The following ZNF3 variants were observed in gnomAD, a reference collection of about 807,000 sequenced individuals.
ZNF3 encodes the protein zinc finger protein 3.
A neutral mutation model predicts 36.9 loss-of-function variants in ZNF3; 16 were observed. The observed-to-expected ratio is 0.43, with a 90% confidence interval of 0.29 to 0.66. The LOEUF is 0.66. Ranked by LOEUF, ZNF3 falls within the 30% of genes least tolerant of loss-of-function variation. The pLI, the probability that ZNF3 is intolerant of heterozygous loss-of-function variation, is 0.13. For missense variants in ZNF3, 462 were observed against 543.1 expected (o/e 0.85, Z 1.48); for synonymous variants, 201 against 201.9 (o/e 1.00, Z 0.04).
In ZNF3 at chr7:100,070,908, T is replaced by A; in HGVS notation, c.*235A>T. On this transcript the variant is annotated 3_prime_UTR_variant, in exon 6 of 6. Coordinates refer to ENST00000299667, the MANE Select transcript of ZNF3 (RefSeq NM_032924.5). ...GTTTAGTGCAAACTCCTTTCCTAAA[T>A]GGGGTAACTGGTCCCAGAGCTGCTT... 1 of 1,314,934 alleles carries A rather than the reference T, an allele frequency of 7.6e-7. No individual in the cohort carries two copies. Among genetic ancestry groups the A allele is most frequent in the Non-Finnish European group, 9.7e-7 (1 of 1,035,352 alleles). 81.5% of individuals were successfully genotyped at this position (1,314,934 alleles called of 1,614,324 possible).
exon 6 of ZNF3, chr7:100,064,838 C>G (rs1022644057): frequency 1.2e-6 from 2 of 1,614,148 alleles, no homozygotes; most frequent in Non-Finnish European, 8.5e-7. Context: ...GAGCAGAGTC[C>G]CTTCGCCACA....
downstream of ZNF3, among the ~76,000 whole-genome samples, chr7:100,068,300 C>A (rs1430121855): frequency 6.6e-6 from 1 of 151,824 alleles, no homozygotes; most frequent in African/African-American, 2.4e-5. Flanking sequence ...CCAGGCTAGT[C>A]TCAAACTCTC....
chr7:100,070,163 TTTG>T lies in ZNF3; in HGVS notation c.*977_*979del, dbSNP rs1471561603. ...TCTCTGGGCTTCGTTTTTTTGTTTT[TTTG>T]TTTTTTTTTTCTCCCTTTTGGGCTT... On this transcript the variant is annotated 3_prime_UTR_variant, in exon 6 of 6. Transcript: ENST00000299667. 2.6e-5 allele frequency: 25 copies of T among 967,410 alleles called. No individual in the cohort carries two copies. The highest frequency in any genetic ancestry group is 2.9e-5 in the Non-Finnish European group (24 of 823,368). The allele number at this position is 967,410 out of a possible 1,614,324, so 59.9% of individuals were successfully genotyped here.
At chr7:100,067,800 C>A (rs1461520613), downstream of ZNF3, among the ~76,000 whole-genome samples, 1 of 152,210 alleles carries the variant, frequency 6.6e-6, no homozygotes, top group African/African-American at 2.4e-5. Context: ...CAAATCCCAT[C>A]TCCTCTACAA....
intron 3 of ZNF3, among the ~76,000 whole-genome samples, chr7:100,076,745 T>A (rs766241670): frequency 6.6e-6 from 1 of 152,254 alleles, no homozygotes; most frequent in Middle Eastern, 3.4e-3. Context: ...AATGGAATGA[T>A]TGACACGGTT....
chr7:100,076,621 ACT>A (rs1419866540), intron 3 of ZNF3, among the ~76,000 whole-genome samples: 2 of 151,386 alleles, frequency 1.3e-5, no homozygotes, highest in Admixed American at 6.6e-5. Flanking sequence ...CTTCCTATTC[ACT>A]CTGTCTTTTT....
Position 100,070,668 on chromosome 7 carries a change from A to G in ZNF3, c.*475T>C. On this transcript the variant is annotated 3_prime_UTR_variant, in exon 6 of 6. Transcript: ENST00000299667. Reference sequence around the variant, plus strand: ...AATTAACGAAATCATGAAACAAAACAGCATGTTTCTTACCGAAACTTAAAG... The same window carrying G: ...AATTAACGAAATCATGAAACAAAACGGCATGTTTCTTACCGAAACTTAAAG... The G allele has an allele frequency of 1.0e-6, 1 of 991,482 alleles. No homozygotes were observed. The highest frequency in any genetic ancestry group is 1.2e-6 in the Non-Finnish European group (1 of 833,308). The allele number at this position is 991,482 out of a possible 1,614,324, so 61.4% of individuals were successfully genotyped here. A position where few individuals can be genotyped will look rare whatever the true frequency, so the allele number is the denominator to read the frequency against.
upstream of ZNF3, chr7:100,082,444 G>A (rs1316156615): frequency 1.3e-5 from 2 of 152,344 alleles, no homozygotes; most frequent in African/African-American, 4.8e-5. Context: ...AAATTACCCG[G>A]GCGTGGTGGC....
chr7:100,078,493 C>T (rs1794475649), intron 2 of ZNF3, among the ~76,000 whole-genome samples: 1 of 142,218 alleles, frequency 7.0e-6, no homozygotes. Flanking sequence ...GAGACTCTGC[C>T]TCAAAAAAAA....
chr7:100,072,635 G>GA (rs746785787), intron 5 of ZNF3, among the ~76,000 whole-genome samples: 11 of 152,174 alleles, frequency 7.2e-5, no homozygotes, highest in Non-Finnish European at 1.5e-4. Context: ...GGGGAAGGGT[G>GA]AGGAGAGACA....
downstream of ZNF3, among the ~76,000 whole-genome samples, chr7:100,069,157 A>G (rs925875194): frequency 1.3e-5 from 2 of 151,502 alleles, no homozygotes; most frequent in African/African-American, 4.9e-5. Flanking sequence ...TTTGTTGTAG[A>G]GATAGGGTCT....
chr7:100,066,573 A>AC (rs1366245859), downstream of ZNF3, among the ~76,000 whole-genome samples: 2 of 137,592 alleles, frequency 1.5e-5, no homozygotes, highest in African/African-American at 5.2e-5. Flanking sequence ...TACTAAAAAT[A>AC]CAAAAAAAAA....
rs1793232318 is a variant in ZNF3 at position 100,071,954 on chromosome 7, A to T, written c.530T>A (p.Phe177Tyr). Reference protein sequence around the residue: ...RGERSEKYNDFGNSFTVNSNL... With the variant: ...RGERSEKYNDYGNSFTVNSNL... ...GGAATTCACAGTGAAGCTGTTCCCAAAATCATTATATTTCTCGCTTCTCTC... is the reference window on the plus strand; with the variant it reads ...GGAATTCACAGTGAAGCTGTTCCCATAATCATTATATTTCTCGCTTCTCTC... Residue 177 changes from phenylalanine (F) to tyrosine (Y), a missense_variant, in exon 6 of 6, where the codon TTT becomes TAT. Phe to Tyr is a conservative substitution (Grantham distance 22). Transcript: ENST00000299667. 1.2e-6 allele frequency: 2 copies of T among 1,614,136 alleles called. No individual in the cohort carries two copies. Among genetic ancestry groups the T allele is most frequent in the African/African-American group, 2.7e-5 (2 of 75,044 alleles).
chr7:100,077,462 G>A, intron 2 of ZNF3, 29 bp from the exon 3 acceptor site: 1 of 1,581,490 alleles, frequency 6.3e-7, no homozygotes, highest in South Asian at 1.1e-5. Flanking sequence ...AAGGTTCAAA[G>A]ATAATTCAAA....
At chr7:100,063,909 G>A (rs1279160766), downstream of ZNF3, 5 of 1,614,040 alleles carry the variant, frequency 3.1e-6, no homozygotes, top group African/African-American at 2.7e-5. Flanking sequence ...CCAGCTTAGA[G>A]AGGCAGTGCG....
At position 100,075,090 on chromosome 7, in the gene ZNF3, C is replaced by G. The variant is rs1019403255; in HGVS notation, c.271+45G>C. 5.8e-6 allele frequency: 9 copies of G among 1,548,688 alleles called. No individual in the cohort carries two copies. In the African/African-American group the frequency reaches 1.1e-4, roughly 19 times the overall value. On this transcript the variant is annotated intron_variant, in intron 5 of 5. Coordinates refer to ENST00000299667, the MANE Select transcript of ZNF3 (RefSeq NM_032924.5). ...AGATTGTTACTAGCAAACGAAGAAG[C>G]AAAGAAACACCAGCGAGTTTTGTTG...
chr7:100,075,026 C>CAA, intron 5 of ZNF3, 109 bp downstream of exon 5: 18 of 1,252,956 alleles, frequency 1.4e-5, no homozygotes, highest in Admixed American at 2.5e-5. Context: ...CATTGCACCT[C>CAA]AAAAAAAAAA....
chr7:100,064,256 A>G (rs1159903005), exon 6 of ZNF3: 2 of 1,614,166 alleles, frequency 1.2e-6, no homozygotes, highest in South Asian at 2.2e-5. Flanking sequence ...CAGAGAATGC[A>G]CACAGAAGAG....
At chr7:100,066,127 G>C (rs949660449), downstream of ZNF3, among the ~76,000 whole-genome samples, 3 of 151,994 alleles carry the variant, frequency 2.0e-5, no homozygotes, top group African/African-American at 7.3e-5. Flanking sequence ...GCAGCAGCAG[G>C]ATTGCAATTT....
Sources: gnomAD v4.1 joint callset for allele counts (sites outside exome capture counted in the v4.1 genomes callset) on GRCh38, gnomAD v4.1.1 for gene constraint, MANE v1.5 for transcripts, NCBI Gene and HGNC (gene_info 2026-07-23, HGNC 2026-07-21) for gene names.